Variants in RPRD2 observed in about 807,000 individuals in gnomAD.
RPRD2 encodes regulation of nuclear pre-mRNA domain containing 2.
In RPRD2, 12 loss-of-function variants were observed where a neutral mutation model predicts 104.4. The ratio of observed to expected loss-of-function variants is 0.11; its 90% CI spans 0.07 to 0.19. The LOEUF is 0.19. Ranked by LOEUF, RPRD2 falls within the 10% of genes least tolerant of loss-of-function variation. RPRD2 has a pLI of 1.00. For missense variants in RPRD2, 1,543 were observed against 1,790.1 expected, an observed-to-expected ratio of 0.86 and a Z score of 2.49; for synonymous variants, 714 against 684.9, an observed-to-expected ratio of 1.04 and a Z score of -0.66.
At chr1:150,403,653 A>G (rs985084760) in intron 1 of RPRD2, among the ~76,000 whole-genome samples, 2 of 141,240 alleles carry the variant, frequency 1.4e-5, no homozygotes, top group Non-Finnish European at 3.1e-5. Flanking sequence ...CTTTTACCCA[A>G]TATTTTTTTT....
chr1:150,381,678 G>C (rs1452393688), intron 1 of RPRD2, among the ~76,000 whole-genome samples: 1 of 151,882 alleles, frequency 6.6e-6, no homozygotes, highest in Non-Finnish European at 1.5e-5. Context: ...CTAATTTTTT[G>C]TATTTTTAGT....
chr1:150,414,808 G>A (rs1248562078), intron 1 of RPRD2, among the ~76,000 whole-genome samples: 1 of 152,160 alleles, frequency 6.6e-6, no homozygotes. Flanking sequence ...TGCAATAAAA[G>A]AGTGGCTCCT....
At chr1:150,449,141 T>C (rs1553896093) in intron 7 of RPRD2, among the ~76,000 whole-genome samples, 1 of 152,182 alleles carries the variant, frequency 6.6e-6, no homozygotes, top group Non-Finnish European at 1.5e-5. Flanking sequence ...TTAAAATGTC[T>C]TAGATCATTG....
intron 9 of RPRD2, among the ~76,000 whole-genome samples, chr1:150,461,903 C>T (rs912363313): frequency 2.6e-5 from 4 of 151,870 alleles, no homozygotes; most frequent in Admixed American, 2.6e-4. Context: ...TGGCCTGAAC[C>T]CAGGAGGCGG....
chr1:150,450,818 C>T (rs1667116142), intron 7 of RPRD2, among the ~76,000 whole-genome samples: 1 of 151,722 alleles, frequency 6.6e-6, no homozygotes, highest in Non-Finnish European at 1.5e-5. Context: ...GCCATATTGG[C>T]CAGACTGGTC....
intron 10 of RPRD2, among the ~76,000 whole-genome samples, chr1:150,470,124 G>T (rs1006109879): frequency 6.6e-6 from 1 of 151,940 alleles, no homozygotes; most frequent in Non-Finnish European, 1.5e-5. Context: ...TGGTTTGAAG[G>T]TTGGACAGGA....
At chr1:150,452,967 CT>C (rs1553896950) in intron 7 of RPRD2, among the ~76,000 whole-genome samples, 2 of 151,040 alleles carry the variant, frequency 1.3e-5, no homozygotes, top group Non-Finnish European at 3.0e-5. Flanking sequence ...ACTGGCACCA[CT>C]TTTTTACACT....
intron 7 of RPRD2, among the ~76,000 whole-genome samples, chr1:150,448,521 A>G (rs1553895980): frequency 6.6e-6 from 1 of 152,206 alleles, no homozygotes; most frequent in East Asian, 1.9e-4. Flanking sequence ...ATTCTGTTCT[A>G]TAATCATACT....
Position 150,457,516 on chromosome 1 carries a change from G to C in RPRD2, c.1099G>C (p.Asp367His). The change falls in exon 8 of 11, where the codon GAT (aspartate) becomes CAT (histidine). Residue 367 changes from aspartate to histidine, a missense_variant. Physicochemically the swap from Asp to His is moderately conservative, Grantham distance 81. Coordinates refer to ENST00000369068, the MANE Select transcript of RPRD2 (RefSeq NM_015203.5). The stretch of plus-strand genomic sequence containing the variant: ...ACCTGAACCTGTGACAGATAATCGT[G>C]ATGTGGAAGACATGGAACTCTCAGA... Reference protein sequence around the residue: ...ATPEPVTDNRDVEDMELSDVE... With the variant: ...ATPEPVTDNRHVEDMELSDVE... 6.2e-7 allele frequency: 1 copy of C among 1,613,928 alleles called. No individual in the cohort carries two copies. Among genetic ancestry groups the C allele is most frequent in the South Asian group, 1.1e-5 (1 of 91,082 alleles).
intron 1 of RPRD2, among the ~76,000 whole-genome samples, chr1:150,380,393 A>AT (rs59245682): frequency 0.084 from 12,434 of 148,740 alleles, 668 homozygotes; most frequent in Non-Finnish European, 0.12. Flanking sequence ...ATATTACCCT[A>AT]TTTTTTTTTG....
At chr1:150,431,345 G>A (rs1339607309) in intron 2 of RPRD2, among the ~76,000 whole-genome samples, 1 of 152,040 alleles carries the variant, frequency 6.6e-6, no homozygotes, top group Non-Finnish European at 1.5e-5. Flanking sequence ...ATTTGTATAG[G>A]CATGTTCATA....
At chr1:150,369,820 G>A (rs1472022208) in intron 1 of RPRD2, among the ~76,000 whole-genome samples, 3 of 149,710 alleles carry the variant, frequency 2.0e-5, no homozygotes, top group Non-Finnish European at 3.0e-5. Context: ...TCACTCTGTC[G>A]CCTAGGCTGG....
At chr1:150,436,513 A>T (rs1369376665) in intron 2 of RPRD2, among the ~76,000 whole-genome samples, 1 of 152,104 alleles carries the variant, frequency 6.6e-6, no homozygotes, top group Non-Finnish European at 1.5e-5. Context: ...AGGCAGGAGA[A>T]TGGGGTGAAC....
At chr1:150,375,272 A>G (rs1553879254) in intron 1 of RPRD2, among the ~76,000 whole-genome samples, 1 of 152,210 alleles carries the variant, frequency 6.6e-6, no homozygotes, top group African/African-American at 2.4e-5. Context: ...TGTAAAACAT[A>G]ATTTTACTAT....
At chr1:150,452,157 AAAG>A (rs140780128) in intron 7 of RPRD2, among the ~76,000 whole-genome samples, 24,428 of 140,852 alleles carry the variant, frequency 0.17, 2,068 homozygotes, top group African/African-American at 0.24. Flanking sequence ...AAAAAAAAAA[AAAG>A]AGAGAGAGAG....
At chr1:150,423,750 A>C (rs1664920075) in intron 2 of RPRD2, among the ~76,000 whole-genome samples, 1 of 152,100 alleles carries the variant, frequency 6.6e-6, no homozygotes, top group South Asian at 2.1e-4. Flanking sequence ...AGAGATACTC[A>C]GCCAGTAAGG....
chr1:150,451,706 A>G (rs6680391), intron 7 of RPRD2, among the ~76,000 whole-genome samples: 7,091 of 151,518 alleles, frequency 0.047, 427 homozygotes, highest in African/African-American at 0.13. Flanking sequence ...GTCCACCCCA[A>G]AAAGATGTGT....
At chr1:150,448,228 C>T (rs1214351186) in intron 7 of RPRD2, among the ~76,000 whole-genome samples, 4 of 151,986 alleles carry the variant, frequency 2.6e-5, no homozygotes, top group South Asian at 2.1e-4. Flanking sequence ...AGTGCAGTGG[C>T]GCACTCTTGG....
chr1:150,415,707 GA>G (rs1664284359), intron 1 of RPRD2, among the ~76,000 whole-genome samples: 1 of 152,030 alleles, frequency 6.6e-6, no homozygotes, highest in African/African-American at 2.4e-5. Flanking sequence ...CACAAAAAAA[GA>G]AGCAAGCATA....
Sources: gnomAD v4.1 joint callset for allele counts (sites outside exome capture counted in the v4.1 genomes callset) on GRCh38, gnomAD v4.1.1 for gene constraint, MANE v1.5 for transcripts, NCBI Gene and HGNC (gene_info 2026-07-23, HGNC 2026-07-21) for gene names.